The following TRIM16 variants were observed in gnomAD, a reference collection of about 807,000 sequenced individuals.
TRIM16 encodes tripartite motif containing 16.
In TRIM16, 33 loss-of-function variants were observed where a neutral mutation model predicts 50.4. The observed-to-expected ratio is 0.65, with a 90% CI of 0.50 to 0.88. TRIM16 has a LOEUF of 0.88. Among genes scored for constraint, TRIM16 ranks in the 40% least tolerant of loss-of-function variants. The probability of loss-of-function intolerance (pLI) is 0.00; values close to 1 mark genes in which losing one functional copy is unlikely to be tolerated. For missense variants in TRIM16, 581 were observed against 686.8 expected (o/e 0.85, Z 1.72); for synonymous variants, 229 against 270.7 (o/e 0.85, Z 1.51).
chr17:15,637,210 G>C (rs1419867615), intron 8 of TRIM16, among the ~76,000 whole-genome samples: 1 of 143,928 alleles, frequency 6.9e-6, no homozygotes, highest in African/African-American at 2.6e-5. Context: ...TGCCGTCCGG[G>C]AGGGAGGTGG....
chr17:15,669,777 A>T lies in TRIM16; in HGVS notation c.-338+7399T>A, dbSNP rs1988649061. ...GCCACAGTAAATTGGTTATCTAAAA[A>T]TTCCTGAATCTCAGTGCTACTGCCG... On this transcript the variant is annotated intron_variant, in intron 6 of 11. Transcript: ENST00000649191. Among the ~76,000 whole-genome samples, 3 of 152,366 alleles carry T rather than the reference A, an allele frequency of 2.0e-5. No individual in the cohort carries two copies. The South Asian group carries it at 6.2e-4, about 32-fold the overall frequency.
chr17:15,651,809 C>A lies in TRIM16; in HGVS notation c.-200G>T. The A allele has an allele frequency of 3.4e-6, 5 of 1,454,752 alleles. No individual in the cohort carries two copies. The highest frequency in any genetic ancestry group is 4.5e-6 in the Non-Finnish European group (5 of 1,108,702). 90.1% of individuals were successfully genotyped at this position (1,454,752 alleles called of 1,614,324 possible). ...GCAGCCAGATGCGATGACGACAAGGCAGCTAGAGTACTCAGGCTCAGGACA... is the reference window on the plus strand; with the variant it reads ...GCAGCCAGATGCGATGACGACAAGGAAGCTAGAGTACTCAGGCTCAGGACA... On this transcript the variant is annotated 5_prime_UTR_variant, in exon 7 of 12. Transcript: ENST00000649191.
chr17:15,680,061 C>T (rs1287318819), intron 4 of TRIM16, among the ~76,000 whole-genome samples: 2 of 151,978 alleles, frequency 1.3e-5, no homozygotes, highest in East Asian at 1.9e-4. Flanking sequence ...AATGTACTGA[C>T]TTTTTTCCTG....
chr17:15,636,018 C>A lies in TRIM16; in HGVS notation c.849+18G>T, dbSNP rs1251447893. ...ATGGGGCAGCTGTGGGATGCCTCTG[C>A]CCCCGCAACCCCCATACCTCCAAGA... On this transcript the variant is annotated intron_variant, in intron 9 of 11. Coordinates refer to ENST00000649191, the MANE Select transcript of TRIM16 (RefSeq NM_001348119.1). The A allele has an allele frequency of 6.2e-7, 1 of 1,611,232 alleles. No individual in the cohort carries two copies. The highest frequency in any genetic ancestry group is 8.5e-7 in the Non-Finnish European group (1 of 1,179,214).
chr17:15,666,036 C>A (rs1053182599), intron 6 of TRIM16, among the ~76,000 whole-genome samples: 3 of 152,152 alleles, frequency 2.0e-5, no homozygotes, highest in African/African-American at 7.2e-5. Flanking sequence ...TCCGTCACAA[C>A]CCATGTCCAT....
intron 1 of TRIM16, 59 bp from the exon 2 acceptor site, chr17:15,683,216 TTC>T: frequency 7.7e-7 from 1 of 1,306,314 alleles, no homozygotes; most frequent in Non-Finnish European, 1.1e-6. Context: ...TCTTTTTTCA[TTC>T]TCTGAGACTC....
intron 8 of TRIM16, among the ~76,000 whole-genome samples, chr17:15,637,138 G>T (rs1344388247): frequency 2.9e-5 from 3 of 104,622 alleles, no homozygotes; most frequent in Admixed American, 9.2e-5. Context: ...TCAGCCCCCC[G>T]CCCGGCCAGC....
chr17:15,670,508 GA>G, intron 6 of TRIM16, among the ~76,000 whole-genome samples: 2 of 152,250 alleles, frequency 1.3e-5, no homozygotes, highest in Non-Finnish European at 2.9e-5. Context: ...GAGGTCTGTG[GA>G]AGCTCAGCTC....
chr17:15,628,649 T>A lies in TRIM16; in HGVS notation c.1661A>T (p.Lys554Met), dbSNP rs765912386. 3.1e-6 allele frequency: 5 copies of A among 1,613,528 alleles called. No homozygotes were observed. The highest frequency in any genetic ancestry group is 1.6e-4 in the Middle Eastern group (1 of 6,078). Residue 554 changes from lysine to methionine, a missense_variant, in exon 12 of 12, where the codon AAG (lysine) becomes ATG (methionine). Lys to Met is a moderately conservative substitution (Grantham distance 95, BLOSUM62 -1). Coordinates refer to ENST00000649191, the MANE Select transcript of TRIM16 (RefSeq NM_001348119.1). ...AGTCCCCACCAAGGACGGTGCTGGC[T>A]TCTCGGGTTCCTCTCCCAGATCTAC... ...RIVDLGEEPE[K>M]PAPSLVGTAP
rs1402427684 is a variant in TRIM16 at position 15,636,835 on chromosome 17, G to A, written c.616-566C>T. 2.7e-5 allele frequency among the ~76,000 whole-genome samples: 4 copies of A among 148,940 alleles called. 1 individual carries two copies. The highest frequency in any genetic ancestry group is 9.9e-5 in the African/African-American group (4 of 40,226). The stretch of plus-strand genomic sequence containing the variant: ...ATTCCAGGACAAGCATGTATATGCA[G>A]AACAGAATGTGACATTCAAATAAAA... On this transcript the variant is annotated intron_variant, in intron 8 of 11. Transcript: ENST00000649191.
chr17:15,654,669 G>GT (rs1987887665), intron 6 of TRIM16, among the ~76,000 whole-genome samples: 1 of 152,252 alleles, frequency 6.6e-6, no homozygotes, highest in East Asian at 1.9e-4. Context: ...TGTAAAACAT[G>GT]TTTTTTCCTT....
intron 6 of TRIM16, among the ~76,000 whole-genome samples, chr17:15,654,096 C>T (rs934727429): frequency 2.6e-5 from 4 of 152,116 alleles, no homozygotes; most frequent in East Asian, 1.9e-4. Context: ...TGCATCCCTG[C>T]GGTGAGTTCT....
At chr17:15,665,276 G>T (rs559172670) in intron 6 of TRIM16, among the ~76,000 whole-genome samples, 1 of 152,272 alleles carries the variant, frequency 6.6e-6, no homozygotes, top group Non-Finnish European at 1.5e-5. Context: ...ACTTTGGGAG[G>T]CTGCGGCGGG....
intron 6 of TRIM16, among the ~76,000 whole-genome samples, chr17:15,674,401 C>T (rs1353343287): frequency 1.3e-5 from 2 of 151,882 alleles, no homozygotes; most frequent in African/African-American, 2.4e-5. Flanking sequence ...CATTAAAGAG[C>T]TATTTTGAGA....
chr17:15,652,059 A>G, intron 6 of TRIM16, 113 bp from the exon 7 acceptor site: 1 of 826,128 alleles, frequency 1.2e-6, no homozygotes, highest in Non-Finnish European at 1.5e-6. Flanking sequence ...AAATGTAAGG[A>G]CTTCAACACC....
chr17:15,649,279 G>A (rs1385954679), intron 7 of TRIM16, among the ~76,000 whole-genome samples: 3 of 152,054 alleles, frequency 2.0e-5, no homozygotes, highest in African/African-American at 4.8e-5. Context: ...TGATTGCACT[G>A]TTTGATGGAG....
chr17:15,636,642 T>C (rs1010854716), intron 8 of TRIM16, among the ~76,000 whole-genome samples: 3 of 147,862 alleles, frequency 2.0e-5, no homozygotes, highest in African/African-American at 5.0e-5. Context: ...TTTTTTTTTT[T>C]TTTTTGTATA....
intron 6 of TRIM16, among the ~76,000 whole-genome samples, chr17:15,655,448 C>A (rs1987929202): frequency 6.6e-6 from 1 of 152,156 alleles, no homozygotes; most frequent in African/African-American, 2.4e-5. Flanking sequence ...TAGAGCAGTT[C>A]ATGGGAGTGC....
intron 7 of TRIM16, among the ~76,000 whole-genome samples, chr17:15,645,973 C>T (rs958802395): frequency 3.3e-5 from 5 of 152,180 alleles, no homozygotes; most frequent in Admixed American, 2.0e-4. Context: ...GGAACATGAG[C>T]TGCTTGTTTA....
Sources: allele counts gnomAD v4.1 joint callset (sites outside exome capture counted in the v4.1 genomes callset), GRCh38; gene constraint gnomAD v4.1.1; transcripts MANE v1.5; gene names NCBI Gene and HGNC (gene_info 2026-07-23, HGNC 2026-07-21).